TNNT1: variants seen among roughly 807,000 people sequenced by gnomAD.
TNNT1 encodes the protein troponin T1, slow skeletal type, also known as troponin T, slow skeletal muscle.
In TNNT1, 53 loss-of-function variants were observed where a neutral mutation model predicts 50.6. The ratio of observed to expected loss-of-function variants is 1.05; its 90% CI spans 0.84 to 1.32. The LOEUF is 1.32. TNNT1 is among the 40% of genes most tolerant of loss of function. TNNT1 has a pLI of 0.00. For missense variants in TNNT1, 348 were observed against 381.7 expected (o/e 0.91, Z 0.74); for synonymous variants, 142 against 138.0 (o/e 1.03, Z -0.20).
intron 10 of TNNT1, among the ~76,000 whole-genome samples, chr19:55,137,629 C>A (rs1437713549): frequency 1.3e-5 from 2 of 149,094 alleles, no homozygotes; most frequent in Non-Finnish European, 3.0e-5. Context: ...CCCCCAGCCC[C>A]TCCTCTCAGA....
chr19:55,145,987 ACCGCCCCC>A (rs951027977), intron 5 of TNNT1, among the ~76,000 whole-genome samples: 69 of 16,056 alleles, frequency 4.3e-3, no homozygotes, highest in African/African-American at 0.016. Context: ...CCACCGCCCC[ACCGCCCCC>A]CCGCCCCCGG....
At position 55,132,853 on chromosome 19, in the gene TNNT1, C is replaced by G; in HGVS notation, c.*62G>C. 6.6e-7 allele frequency: 1 copy of G among 1,520,982 alleles called. No homozygotes were observed. The highest frequency in any genetic ancestry group is 9.0e-7 in the Non-Finnish European group (1 of 1,115,130). 94.2% of individuals were successfully genotyped at this position (1,520,982 alleles called of 1,614,324 possible). ...GGGTGTCTGAGGGGAGCGTTTATTT[C>G]AAGCTACCGATGGGACAAACACTCC... is the stretch of plus-strand genomic sequence containing the variant. On this transcript the variant is annotated 3_prime_UTR_variant, in exon 14 of 14. Transcript: ENST00000588981.
chr19:55,133,800 G>T, intron 13 of TNNT1, 87 bp downstream of exon 13: 2 of 1,480,396 alleles, frequency 1.4e-6, no homozygotes, highest in Non-Finnish European at 1.9e-6. Flanking sequence ...GGCAGTGGGG[G>T]ATGGAGCCCA....
chr19:55,141,337 C>T (rs1191610946), intron 7 of TNNT1, 35 bp from the exon 8 acceptor site: 1 of 1,550,090 alleles, frequency 6.5e-7, no homozygotes, highest in East Asian at 2.2e-5. Flanking sequence ...CCTAGGAGAC[C>T]CTGGAGGGGG....
intron 13 of TNNT1, 87 bp from the exon 14 acceptor site, chr19:55,133,047 C>T: frequency 8.2e-7 from 1 of 1,222,792 alleles, no homozygotes; most frequent in East Asian, 2.5e-5. Flanking sequence ...GAAGCCCATT[C>T]CCCAAAATAT....
chr19:55,140,798 T>C (rs1156650305), intron 9 of TNNT1, 85 bp downstream of exon 9: 2 of 770,790 alleles, frequency 2.6e-6, no homozygotes, highest in South Asian at 2.7e-5. Context: ...ATAATAGTAA[T>C]AATAATAATA....
At chr19:55,144,760 C>T (rs1408356231) in intron 6 of TNNT1, among the ~76,000 whole-genome samples, 3 of 152,176 alleles carry the variant, frequency 2.0e-5, no homozygotes, top group African/African-American at 2.4e-5. Flanking sequence ...CGGAAAGGTC[C>T]GCTGGAGCCA....
intron 9 of TNNT1, among the ~76,000 whole-genome samples, chr19:55,138,275 CCT>C (rs746220048): frequency 3.3e-4 from 50 of 150,142 alleles, no homozygotes; most frequent in Non-Finnish European, 5.6e-4. Flanking sequence ...AGTCCCTTCC[CCT>C]CTGTTTTTTT....
chr19:55,141,273 G>A lies in TNNT1; in HGVS notation c.222C>T (p.Asp74=), dbSNP rs1270864227. The change falls in exon 8 of 14, where the codon GAC becomes GAT. Residue 74 remains aspartate, a synonymous_variant. Coordinates refer to ENST00000588981, the MANE Select transcript of TNNT1 (RefSeq NM_003283.6). ...DDIHRKRMEK[D]LLELQTLIDV... ...CGATGAGTGTCTGCAGCTCCAGCAG[G>A]TCTTTCTCCATGCGCTTGCGGTGGA... 2 of 1,614,214 alleles carry A rather than the reference G, an allele frequency of 1.2e-6. No homozygotes were observed. The highest frequency in any genetic ancestry group is 1.7e-6 in the Non-Finnish European group (2 of 1,180,038).
intron 5 of TNNT1, 113 bp from the exon 6 acceptor site, chr19:55,145,678 G>T: frequency 1.7e-6 from 2 of 1,149,102 alleles, no homozygotes; most frequent in Middle Eastern, 2.6e-4. Flanking sequence ...AGGACCCCAG[G>T]GAAGGACTCT....
chr19:55,146,640 C>G (rs761053245), intron 4 of TNNT1, 41 bp downstream of exon 4: 7 of 1,331,788 alleles, frequency 5.3e-6, no homozygotes, highest in Admixed American at 5.0e-5. Context: ...TCCCCGCCCC[C>G]CCACCCCCCA....
chr19:55,133,447 A>C (rs1407234420), intron 13 of TNNT1: 2 of 302,826 alleles, frequency 6.6e-6, no homozygotes, highest in Admixed American at 9.8e-5. Flanking sequence ...TAGGAGGCCA[A>C]GGCGGGTGGA....
At chr19:55,146,739 A>G in intron 3 of TNNT1, 32 bp from the exon 4 acceptor site, 1 of 1,482,026 alleles carries the variant, frequency 6.7e-7, no homozygotes, top group Non-Finnish European at 9.0e-7. Context: ...AGAAGGCGTT[A>G]GGAGCTGGGG....
At position 55,134,294 on chromosome 19, in the gene TNNT1, C is replaced by T. The variant is rs534555332; in HGVS notation, c.612-90G>A. The stretch of plus-strand genomic sequence containing the variant: ...AGCGAGACTGTGAGTTCAGCGTTGT[C>T]GGCACCATTTTGTTCATATTTGAGG... On this transcript the variant is annotated intron_variant, in intron 11 of 13. Coordinates refer to ENST00000588981, the MANE Select transcript of TNNT1 (RefSeq NM_003283.6). 2.1e-5 allele frequency: 28 copies of T among 1,315,122 alleles called. No individual in the cohort carries two copies. In the Admixed American group the frequency reaches 3.0e-4, roughly 14 times the overall value. The allele number at this position is 1,315,122 out of a possible 1,614,324, so 81.5% of individuals were successfully genotyped here.
chr19:55,146,642 C>G lies in TNNT1; in HGVS notation c.73+39G>C, dbSNP rs766974052. 6 of 1,369,354 alleles carry G rather than the reference C, an allele frequency of 4.4e-6. No individual in the cohort carries two copies. The Admixed American group carries it at 7.5e-5, about 17-fold the overall frequency. The allele number at this position is 1,369,354 out of a possible 1,614,324, so 84.8% of individuals were successfully genotyped here. On this transcript the variant is annotated intron_variant, in intron 4 of 13. Transcript: ENST00000588981. Reference sequence around the variant, plus strand: ...CCCGGGCCCAGCGTCCCCGCCCCCCCACCCCCCAGCTCCAGACCTGCGGAG... The same window carrying G: ...CCCGGGCCCAGCGTCCCCGCCCCCCGACCCCCCAGCTCCAGACCTGCGGAG...
intron 6 of TNNT1, among the ~76,000 whole-genome samples, chr19:55,143,239 A>G (rs1206896393): frequency 6.6e-6 from 1 of 151,272 alleles, no homozygotes; most frequent in East Asian, 2.0e-4. Context: ...AGCTCAAGTG[A>G]TCCTCCCGCC....
At chr19:55,146,156 T>C (rs530427262) in intron 5 of TNNT1, among the ~76,000 whole-genome samples, 1 of 151,956 alleles carries the variant, frequency 6.6e-6, no homozygotes, top group Admixed American at 6.5e-5. Flanking sequence ...TCCGCAAACA[T>C]CCAACCCTTC....
At position 55,141,184 on chromosome 19, in the gene TNNT1, A is replaced by G; in HGVS notation, c.309+2T>C. ...CGGGGGGAACCCGGACTCTCGGCTC[A>G]CAATGCGCTCCTTCAAGGCAACCAG... On this transcript the variant is annotated splice_donor_variant, in intron 8 of 13. Transcript: ENST00000588981. LOFTEE classifies it high-confidence loss of function. 6.2e-7 allele frequency: 1 copy of G among 1,613,534 alleles called. No individual in the cohort carries two copies. The highest frequency in any genetic ancestry group is 8.5e-7 in the Non-Finnish European group (1 of 1,179,396).
chr19:55,147,295 A>G (rs1392957212), intron 1 of TNNT1, 127 bp from the exon 2 acceptor site: 6 of 859,786 alleles, frequency 7.0e-6, no homozygotes, highest in Non-Finnish European at 9.3e-6. Flanking sequence ...GGTGTGAGAG[A>G]GGAGGAGCTG....
Sources: gnomAD v4.1 joint callset for allele counts (sites outside exome capture counted in the v4.1 genomes callset) on GRCh38, gnomAD v4.1.1 for gene constraint, MANE v1.5 for transcripts, NCBI Gene and HGNC (gene_info 2026-07-23, HGNC 2026-07-21) for gene names.